The following AQP7B variants were observed in gnomAD, a reference collection of about 807,000 sequenced individuals.
AQP7B encodes putative aquaporin-7B.
the AQP7B span, among the ~76,000 whole-genome samples, chr2:94,595,768 A>C: frequency 9.2e-5 from 14 of 152,176 alleles, no homozygotes; most frequent in African/African-American, 2.9e-4. Flanking sequence ...AGATGTGGGC[A>C]AAGCGCCGAT....
At chr2:94,599,308 C>T in the AQP7B span, among the ~76,000 whole-genome samples, 2 of 152,106 alleles carry the variant, frequency 1.3e-5, no homozygotes, top group Admixed American at 1.3e-4. Context: ...CCAAAGCCAG[C>T]CCAGCTCTGG....
the AQP7B span, chr2:94,594,758 C>T: frequency 1.1e-5 from 17 of 1,582,494 alleles, no homozygotes; most frequent in Non-Finnish European, 1.5e-5. Context: ...ACCCGTGGCT[C>T]CAAAATGGTC....
At chr2:94,604,248 G>A in the AQP7B span, 4 of 1,548,324 alleles carry the variant, frequency 2.6e-6, no homozygotes, top group South Asian at 3.7e-5. Flanking sequence ...GCTGTCCTGG[G>A]CATCAGCCCC....
At chr2:94,595,450 GA>G in the AQP7B span, among the ~76,000 whole-genome samples, 13 of 150,362 alleles carry the variant, frequency 8.6e-5, no homozygotes, top group East Asian at 9.8e-4. Context: ...AGAAAAAAAA[GA>G]AAAAAAAAGA....
At chr2:94,589,428 C>A in the AQP7B span, among the ~76,000 whole-genome samples, 1 of 152,044 alleles carries the variant, frequency 6.6e-6, no homozygotes, top group Non-Finnish European at 1.5e-5. Flanking sequence ...TGGCTTTGCT[C>A]CAAGGCCACC....
the AQP7B span, chr2:94,594,736 T>C: frequency 1.6e-5 from 25 of 1,549,858 alleles, 1 homozygote; most frequent in South Asian, 2.8e-4. Flanking sequence ...CTCGGGCCAC[T>C]GTCTCAGGTC....
the AQP7B span, chr2:94,588,682 C>T: frequency 2.9e-6 from 2 of 682,180 alleles, no homozygotes; most frequent in Middle Eastern, 4.0e-4. Flanking sequence ...CCCACCCACC[C>T]ACTCACCTCT....
At chr2:94,588,983 C>CT in the AQP7B span, among the ~76,000 whole-genome samples, 3,119 of 135,320 alleles carry the variant, frequency 0.023, 60 homozygotes, top group African/African-American at 0.038. Context: ...GTTTTTTTTT[C>CT]TTTTTTTTTT....
At chr2:94,592,826 T>C in the AQP7B span, among the ~76,000 whole-genome samples, 1 of 133,670 alleles carries the variant, frequency 7.5e-6, no homozygotes, top group African/African-American at 2.8e-5. Context: ...TTTTTTTTTT[T>C]TTTTTTTTTT....
At chr2:94,594,986 G>A in the AQP7B span, 1 of 609,244 alleles carries the variant, frequency 1.6e-6, no homozygotes, top group East Asian at 3.0e-5. Context: ...TGAGCTGGGA[G>A]CCTGGGGAAG....
chr2:94,600,820 G>A, the AQP7B span, among the ~76,000 whole-genome samples: 23 of 151,986 alleles, frequency 1.5e-4, no homozygotes, highest in Non-Finnish European at 2.2e-4. Context: ...TGGAGGTTGC[G>A]GTGAGCCGAG....
At chr2:94,604,010 G>A in the AQP7B span, 2 of 880,270 alleles carry the variant, frequency 2.3e-6, no homozygotes, top group South Asian at 1.6e-5. Flanking sequence ...TGATGTGAGG[G>A]GCAGCACAGG....
chr2:94,601,690 G>A, the AQP7B span, among the ~76,000 whole-genome samples: 5 of 152,130 alleles, frequency 3.3e-5, no homozygotes, highest in Non-Finnish European at 5.9e-5. Flanking sequence ...GGAGAAGGAC[G>A]CTGGGCAGGG....
At chr2:94,603,697 G>A in the AQP7B span, 21 of 1,415,604 alleles carry the variant, frequency 1.5e-5, no homozygotes, top group Non-Finnish European at 1.9e-5. Context: ...AGCTGCCACA[G>A]CATCTGCTCC....
the AQP7B span, chr2:94,603,833 C>G: frequency 6.8e-7 from 1 of 1,471,554 alleles, no homozygotes; most frequent in South Asian, 1.2e-5. Context: ...ATCAGGGTGT[C>G]CCATGGCATA....
the AQP7B span, among the ~76,000 whole-genome samples, chr2:94,600,417 G>A: frequency 6.6e-6 from 1 of 152,152 alleles, no homozygotes; most frequent in African/African-American, 2.4e-5. Flanking sequence ...CCTATTTCAA[G>A]ATGCAGTCAA....
At chr2:94,588,557 C>CCACCCTCTTCT in the AQP7B span, 1 of 807,112 alleles carries the variant, frequency 1.2e-6, no homozygotes, top group Non-Finnish European at 2.0e-6. Context: ...GGTAAGTACC[C>CCACCCTCTTCT]CACCCTCTTC....
At chr2:94,595,982 G>C in the AQP7B span, among the ~76,000 whole-genome samples, 1 of 152,244 alleles carries the variant, frequency 6.6e-6, no homozygotes, top group Non-Finnish European at 1.5e-5. Context: ...AGGATGGTTT[G>C]AGGACAGAGC....
At chr2:94,604,419 C>T in the AQP7B span, 80 of 1,611,458 alleles carry the variant, frequency 5.0e-5, no homozygotes, top group East Asian at 3.1e-4. Flanking sequence ...GACTCTGTGG[C>T]GTATGAAGAC....
Sources: gnomAD v4.1 joint callset for allele counts (sites outside exome capture counted in the v4.1 genomes callset) on GRCh38, gnomAD v4.1.1 for gene constraint, MANE v1.5 for transcripts, NCBI Gene and HGNC (gene_info 2026-07-23, HGNC 2026-07-21) for gene names.